Variants in SLC6A3 observed in about 807,000 individuals in gnomAD.
The protein encoded by SLC6A3 is solute carrier family 6 member 3.
SLC6A3 carries 19 observed loss-of-function variants against 70.4 expected under a neutral mutation model. That is an observed-to-expected ratio of 0.27 (90% CI 0.19 to 0.40). The LOEUF (loss-of-function observed/expected upper bound fraction) is 0.40, where lower values mean the gene tolerates loss of function less well. SLC6A3 is among the 10% of genes least tolerant of loss of function. The pLI is 1.00. For synonymous variants in SLC6A3, 368 were observed against 356.6 expected (o/e 1.03, Z -0.36); for missense variants, 613 against 838.5 (o/e 0.73, Z 3.32).
intron 6 of SLC6A3, among the ~76,000 whole-genome samples, chr5:1,419,200 C>T (rs1188709586): frequency 6.6e-6 from 1 of 151,568 alleles, no homozygotes; most frequent in Non-Finnish European, 1.5e-5. Flanking sequence ...ATCATCCATT[C>T]CTCCATCCAC....
chr5:1,397,787 A>G lies in SLC6A3; in HGVS notation c.1840-3029T>C, dbSNP rs1010773553. Reference sequence around the variant, plus strand: ...TGAAAAGCAAGAAAATGGTCCTAGAAGAAAAGAAGTCTATAACAAAAGTAT... The same window carrying G: ...TGAAAAGCAAGAAAATGGTCCTAGAGGAAAAGAAGTCTATAACAAAAGTAT... On this transcript the variant is annotated intron_variant, in intron 14 of 14. Coordinates refer to ENST00000270349, the MANE Select transcript of SLC6A3 (RefSeq NM_001044.5). This position sits in a 1 kb window ranked among gnomAD's most constrained non-coding sequence, Gnocchi z 4.7. Among the ~76,000 whole-genome samples the G allele has an allele frequency of 3.3e-5, 5 of 152,242 alleles. No individual in the cohort carries two copies. Among genetic ancestry groups the G allele is most frequent in the Non-Finnish European group, 5.9e-5 (4 of 68,036 alleles).
Position 1,393,116 on chromosome 5 carries a change from A to T in SLC6A3, c.*1619T>A, listed in dbSNP as rs915610392. ...TCTGTGCTAACTGCAGCTGCCTGGC[A>T]GTTCACAGGCTGACGGCTCCCACCG... On this transcript the variant is annotated 3_prime_UTR_variant, in exon 15 of 15. Transcript: ENST00000270349. The T allele has an allele frequency of 2.0e-5, 3 of 151,346 alleles. No individual in the cohort carries two copies. Among genetic ancestry groups the T allele is most frequent in the African/African-American group, 4.9e-5 (2 of 41,206 alleles). 9.4% of individuals were successfully genotyped at this position (151,346 alleles called of 1,614,324 possible).
At chr5:1,409,598 T>G in intron 10 of SLC6A3, 123 bp downstream of exon 10, 1 of 1,122,404 alleles carries the variant, frequency 8.9e-7, no homozygotes, top group African/African-American at 1.5e-5. Flanking sequence ...CTGGGGTGGG[T>G]GGGTTCGCAG....
At position 1,402,770 on chromosome 5, in the gene SLC6A3, GCA is replaced by G. The variant is rs141189133; in HGVS notation, c.1767+150_1767+151del. 1.8e-3 allele frequency: 1,257 copies of G among 706,604 alleles called. No individual in the cohort carries two copies. Among genetic ancestry groups the G allele is most frequent in the Middle Eastern group, 2.3e-3 (6 of 2,578 alleles). The allele number at this position is 706,604 out of a possible 1,614,324, so 43.8% of individuals were successfully genotyped here. ...CGGGCGTGCAGGTGGACACACACACGCACACACACACACAGTGTTGTGGTGGC... is the reference window on the plus strand; with the variant it reads ...CGGGCGTGCAGGTGGACACACACACGCACACACACACAGTGTTGTGGTGGC... On this transcript the variant is annotated intron_variant, in intron 13 of 14. Transcript: ENST00000270349. The surrounding 1 kb of genome is among the most constrained non-coding windows in gnomAD (Gnocchi z 8.5).
rs1755938770 is a variant in SLC6A3, at chr5:1,405,057, A to G, written c.1599+1131T>C. Reference sequence around the variant, plus strand: ...AGGGCTTCCTCACTTTCCCCTCTGAACAGCCATGTAGTCTGTGTGCTATTA... The same window carrying G: ...AGGGCTTCCTCACTTTCCCCTCTGAGCAGCCATGTAGTCTGTGTGCTATTA... On this transcript the variant is annotated intron_variant, in intron 12 of 14. Transcript: ENST00000270349. The surrounding 1 kb of genome is among the most constrained non-coding windows in gnomAD (Gnocchi z 5.3). Among the ~76,000 whole-genome samples, 1 of 152,166 alleles carries G rather than the reference A, an allele frequency of 6.6e-6. No homozygotes were observed. The highest frequency in any genetic ancestry group is 6.5e-5 in the Admixed American group (1 of 15,278).
chr5:1,432,732 A>G (rs756460776), intron 3 of SLC6A3, 34 bp from the exon 4 acceptor site: 11 of 1,513,404 alleles, frequency 7.3e-6, no homozygotes, highest in Middle Eastern at 1.7e-4. Flanking sequence ...GAGCCCACGC[A>G]GGTGGAGCAC....
Position 1,401,022 on chromosome 5 carries a change from C to A in SLC6A3, c.1768-36G>T. The A allele has an allele frequency of 1.3e-6, 2 of 1,492,290 alleles. No homozygotes were observed. The highest frequency in any genetic ancestry group is 1.8e-6 in the Non-Finnish European group (2 of 1,085,068). The allele number at this position is 1,492,290 out of a possible 1,614,324, so 92.4% of individuals were successfully genotyped here. ...AAGAGAGTGCAGGGGTCAGTGCAGA[C>A]CAGTACCCACTGCCAGCACCCACCA... On this transcript the variant is annotated intron_variant, in intron 13 of 14. Transcript: ENST00000270349. This position sits in a 1 kb window ranked among gnomAD's most constrained non-coding sequence, Gnocchi z 6.1.
At chr5:1,422,441 G>A (rs2963249) in intron 4 of SLC6A3, among the ~76,000 whole-genome samples, 3,722 of 131,900 alleles carry the variant, frequency 0.028, 106 homozygotes, top group Middle Eastern at 0.04. Flanking sequence ...GGTACCCACC[G>A]CTGCCCACAG....
intron 4 of SLC6A3, among the ~76,000 whole-genome samples, chr5:1,423,713 ACT>A (rs1247979902): frequency 6.6e-6 from 1 of 151,640 alleles, no homozygotes; most frequent in Non-Finnish European, 1.5e-5. Context: ...TCCTGGTGAC[ACT>A]CTCTGTGGGA....
rs539934543 is a variant in SLC6A3, at chr5:1,394,879, C to G, written c.1840-121G>C. ...CAGTTTGCAGCCTCCTGGCCATGTG[C>G]CCTGGGAGAAGGGGAGGCTCACTGG... On this transcript the variant is annotated intron_variant, in intron 14 of 14. Transcript: ENST00000270349. The surrounding 1 kb of genome is among the most constrained non-coding windows in gnomAD (Gnocchi z 4.7). 2 of 1,095,268 alleles carry G rather than the reference C, an allele frequency of 1.8e-6. No homozygotes were observed. The highest frequency in any genetic ancestry group is 3.5e-5 in the Admixed American group (2 of 56,424). 67.8% of individuals were successfully genotyped at this position (1,095,268 alleles called of 1,614,324 possible).
chr5:1,403,122 C>G, intron 12 of SLC6A3, 33 bp from the exon 13 acceptor site: 1 of 1,608,884 alleles, frequency 6.2e-7, no homozygotes, highest in Non-Finnish European at 8.5e-7. Flanking sequence ...TCAGGCAGCT[C>G]TCAGCCGGCG....
chr5:1,443,134 T>A lies in SLC6A3; in HGVS notation c.64A>T (p.Asn22Tyr), dbSNP rs1359130746. Residue 22 changes from asparagine (N) to tyrosine (Y), a missense_variant, in exon 2 of 15, where the codon AAT becomes TAT. Asn to Tyr is a moderately radical substitution (Grantham distance 143). Coordinates refer to ENST00000270349, the MANE Select transcript of SLC6A3 (RefSeq NM_001044.5). ...SSVVAPAKEP[N>Y]AVGPKEVELI... ...TCCACCTCCTTCGGGCCCACGGCAT[T>A]GGGCTCCTTAGCCGGGGCCACCACG... 6.2e-7 allele frequency: 1 copy of A among 1,614,226 alleles called. No individual in the cohort carries two copies.
At chr5:1,433,821 C>T (rs574679659) in intron 3 of SLC6A3, among the ~76,000 whole-genome samples, 9 of 152,258 alleles carry the variant, frequency 5.9e-5, no homozygotes, top group Non-Finnish European at 1.2e-4. Context: ...CCACACCCAA[C>T]CACAACCATC....
intron 8 of SLC6A3, among the ~76,000 whole-genome samples, chr5:1,414,416 C>T (rs1161621307): frequency 6.8e-6 from 1 of 146,026 alleles, no homozygotes; most frequent in African/African-American, 2.6e-5. Flanking sequence ...CCTGGAGGGG[C>T]AGGGCGGAGA....
chr5:1,410,848 G>A (rs1338154687), intron 9 of SLC6A3, among the ~76,000 whole-genome samples: 1 of 151,836 alleles, frequency 6.6e-6, no homozygotes, highest in African/African-American at 2.4e-5. Flanking sequence ...GTTCGTGTGT[G>A]TTCATGTATG....
Position 1,436,260 on chromosome 5 carries a change from G to A in SLC6A3, c.419-3562C>T, listed in dbSNP as rs909120867. Among the ~76,000 whole-genome samples, 1 of 152,216 alleles carries A rather than the reference G, an allele frequency of 6.6e-6. No individual in the cohort carries two copies. The highest frequency in any genetic ancestry group is 6.5e-5 in the Admixed American group (1 of 15,284). On this transcript the variant is annotated intron_variant, in intron 3 of 14. Transcript: ENST00000270349. The surrounding 1 kb of genome is among the most constrained non-coding windows in gnomAD (Gnocchi z 5.2). ...TCACCACGAGCTCCTCAAGCTCACC[G>A]AAGGCCCAGACGCAGGAAACCCACT...
chr5:1,397,426 G>A lies in SLC6A3; in HGVS notation c.1840-2668C>T, dbSNP rs570210247. On this transcript the variant is annotated intron_variant, in intron 14 of 14. Transcript: ENST00000270349. This position sits in a 1 kb window ranked among gnomAD's most constrained non-coding sequence, Gnocchi z 4.7. ...AGCCTGGGCTACAGAGCGAGACTCCGTCTCAAAACAAACAAACAAACAAAC... is the reference window on the plus strand; with the variant it reads ...AGCCTGGGCTACAGAGCGAGACTCCATCTCAAAACAAACAAACAAACAAAC... Among the ~76,000 whole-genome samples the A allele has an allele frequency of 3.9e-3, 599 of 151,688 alleles. 5 individuals carry two copies. The highest frequency in any genetic ancestry group is 0.014 in the African/African-American group (574 of 41,132).
At position 1,411,725 on chromosome 5, in the gene SLC6A3, G is replaced by A. The variant is rs768436900; in HGVS notation, c.1157-370C>T. Among the ~76,000 whole-genome samples, 5 of 152,110 alleles carry A rather than the reference G, an allele frequency of 3.3e-5. No homozygotes were observed. The highest frequency in any genetic ancestry group is 4.8e-5 in the African/African-American group (2 of 41,394). On this transcript the variant is annotated intron_variant, in intron 8 of 14. Transcript: ENST00000270349. The surrounding 1 kb of genome is among the most constrained non-coding windows in gnomAD (Gnocchi z 6.5). ...CCAGGGACATCTGCTAATGTCCTTC[G>A]AGTTAGTTTTTCCTGCACATACCAT...
intron 6 of SLC6A3, among the ~76,000 whole-genome samples, chr5:1,417,039 G>A (rs890381217): frequency 6.0e-5 from 9 of 150,746 alleles, no homozygotes; most frequent in African/African-American, 7.3e-5. Context: ...CAGCCCTAGC[G>A]GGGTCTCCAT....
Sources: allele counts gnomAD v4.1 joint callset (sites outside exome capture counted in the v4.1 genomes callset), GRCh38; gene constraint gnomAD v4.1.1; non-coding constraint Gnocchi (gnomAD v3.1); transcripts MANE v1.5; gene names NCBI Gene and HGNC (gene_info 2026-07-23, HGNC 2026-07-21).